The following MATK variants were observed in gnomAD, a reference collection of about 807,000 sequenced individuals.
MATK encodes the protein megakaryocyte-associated tyrosine-protein kinase.
Under a neutral mutation model 59.8 loss-of-function variants are expected in MATK, and 41 were observed. That is an observed-to-expected ratio of 0.69 (90% CI 0.53 to 0.89). The LOEUF (loss-of-function observed/expected upper bound fraction) is 0.89, where lower values mean the gene tolerates loss of function less well. Ranked by LOEUF, MATK falls within the 40% of genes least tolerant of loss-of-function variation. The pLI, the probability that MATK is intolerant of heterozygous loss-of-function variation, is 0.00. For missense variants in MATK, 593 were observed against 719.6 expected (o/e 0.82, Z 2.01); for synonymous variants, 308 against 306.1 (o/e 1.01, Z -0.06).
At chr19:3,781,497 C>A (rs1162718492) in intron 8 of MATK, 110 bp downstream of exon 8, 10 of 1,151,482 alleles carry the variant, frequency 8.7e-6, no homozygotes, top group Non-Finnish European at 1.3e-5. Flanking sequence ...TCTTCAGCTG[C>A]ACAACTAGTA....
intron 1 of MATK, among the ~76,000 whole-genome samples, chr19:3,798,360 G>A (rs1237166555): frequency 1.3e-5 from 2 of 151,958 alleles, no homozygotes; most frequent in Non-Finnish European, 2.9e-5. Context: ...CTCACTGTGG[G>A]GTGGTTGGCG....
At position 3,779,457 on chromosome 19, in the gene MATK, G is replaced by C. The variant is rs1332237946; in HGVS notation, c.928-6C>G. Reference sequence around the variant, plus strand: ...AGAAAGTTCACCAGGTTGCCCTGTTGGGGGTGGGAGATGGCCGCGGGATGT... The same window carrying C: ...AGAAAGTTCACCAGGTTGCCCTGTTCGGGGTGGGAGATGGCCGCGGGATGT... On this transcript the variant is annotated splice_region_variant and splice_polypyrimidine_tract_variant and intron_variant, in intron 10 of 13. Coordinates refer to ENST00000310132, the MANE Select transcript of MATK (RefSeq NM_139355.3). The C allele has an allele frequency of 1.2e-6, 2 of 1,613,068 alleles. No individual in the cohort carries two copies. The highest frequency in any genetic ancestry group is 8.5e-7 in the Non-Finnish European group (1 of 1,179,952).
Position 3,783,918 on chromosome 19 carries a change from C to G in MATK, c.478G>C (p.Val160Leu). Reference protein sequence around the residue: ...ARHPGDYVLCVSFGRDVIHYR... With the variant: ...ARHPGDYVLCLSFGRDVIHYR... ...TGGATGACGTCGCGGCCAAAGCTCA[C>G]GCACAGGACGTAGTCGCCGGGGTGG... The change falls in exon 6 of 14, where the codon GTG (valine) becomes CTG (leucine). Residue 160 changes from valine (V) to leucine (L), a missense_variant. Val to Leu is a conservative substitution (Grantham distance 32, BLOSUM62 1). Coordinates refer to ENST00000310132, the MANE Select transcript of MATK (RefSeq NM_139355.3). 2 of 1,612,916 alleles carry G rather than the reference C, an allele frequency of 1.2e-6. No homozygotes were observed. The highest frequency in any genetic ancestry group is 1.7e-6 in the Non-Finnish European group (2 of 1,179,888).
chr19:3,783,744 G>C (rs552491371), intron 6 of MATK, 70 bp downstream of exon 6: 2 of 1,434,314 alleles, frequency 1.4e-6, no homozygotes, highest in Non-Finnish European at 9.7e-7. Context: ...CTATCTCTAC[G>C]TAGGGGAGTC....
chr19:3,798,971 AT>A (rs112711436), intron 1 of MATK, among the ~76,000 whole-genome samples: 4,018 of 130,798 alleles, frequency 0.031, 134 homozygotes, highest in African/African-American at 0.087. Flanking sequence ...ATACCTGGCT[AT>A]TTTTTTTTTT....
intron 1 of MATK, among the ~76,000 whole-genome samples, chr19:3,799,761 A>C (rs1239520511): frequency 1.3e-5 from 2 of 151,600 alleles, no homozygotes; most frequent in African/African-American, 4.9e-5. Context: ...GAATCACTTG[A>C]ACCCAGGAGG....
chr19:3,792,639 G>A (rs12974179), intron 1 of MATK, among the ~76,000 whole-genome samples: 4 of 146,930 alleles, frequency 2.7e-5, no homozygotes, highest in South Asian at 2.2e-4. Flanking sequence ...TCAGCCTCCC[G>A]AGTAGGTGGT....
chr19:3,788,057 C>G (rs2037504897), upstream of MATK, among the ~76,000 whole-genome samples: 1 of 148,450 alleles, frequency 6.7e-6, no homozygotes, highest in African/African-American at 2.5e-5. Flanking sequence ...ACCATGGTGC[C>G]TGGTTAAACC....
Position 3,786,055 on chromosome 19 carries a change from G to T in MATK, c.-152+114C>A, listed in dbSNP as rs12609684. 35,978 of 332,794 alleles carry T rather than the reference G, an allele frequency of 0.11. 2,255 individuals are homozygous for T. Among genetic ancestry groups the T allele is most frequent in the East Asian group, 0.23 (1,366 of 5,830 alleles). 20.6% of individuals were successfully genotyped at this position (332,794 alleles called of 1,614,324 possible). A position where few individuals can be genotyped will look rare whatever the true frequency, so the allele number is the denominator to read the frequency against. ...GCGCGCCCGGGACGCGCACACTCGC[G>T]CACACACCGGCCCTTCCTGCGCACG... On this transcript the variant is annotated intron_variant, in intron 1 of 13. Coordinates refer to ENST00000310132, the MANE Select transcript of MATK (RefSeq NM_139355.3). This position sits in a 1 kb window ranked among gnomAD's most constrained non-coding sequence, Gnocchi z 4.1.
In MATK at chr19:3,779,591, CG is replaced by C; in HGVS notation, c.868del (p.Arg290ValfsTer5). 1 of 1,611,906 alleles carries C rather than the reference CG, an allele frequency of 6.2e-7. No individual in the cohort carries two copies. The highest frequency in any genetic ancestry group is 8.5e-7 in the Non-Finnish European group (1 of 1,179,480). On this transcript the variant is annotated frameshift_variant, in exon 10 of 14. Transcript: ENST00000310132. LOFTEE classifies it high-confidence loss of function. The part of the protein sequence containing the change: ...MTKMQHENLV[R>X]LLGVILHQGL... Reference sequence around the variant, plus strand: ...CTGGTGCAGGATCACGCCCAGGAGACGCACCAGGTTCTCGTGTTGCATCTTC... The same window carrying C: ...CTGGTGCAGGATCACGCCCAGGAGACCACCAGGTTCTCGTGTTGCATCTTC...
intron 1 of MATK, among the ~76,000 whole-genome samples, chr19:3,794,294 G>A (rs9676748): frequency 0.014 from 2,062 of 152,176 alleles, 47 homozygotes; most frequent in African/African-American, 0.046. Context: ...CCCTGGGCCC[G>A]GCAACCATTT....
At chr19:3,784,758 G>T in intron 3 of MATK, 67 bp downstream of exon 3, 1 of 1,147,920 alleles carries the variant, frequency 8.7e-7, no homozygotes, top group Non-Finnish European at 1.3e-6. Flanking sequence ...TCAGGAAGGG[G>T]TCTCAGGGTG....
At chr19:3,800,659 G>T (rs1449699850) in intron 1 of MATK, among the ~76,000 whole-genome samples, 6 of 151,866 alleles carry the variant, frequency 4.0e-5, no homozygotes, top group Admixed American at 1.3e-4. Context: ...GAAAAAAAAA[G>T]GAAAAGAAAG....
upstream of MATK, chr19:3,789,329 C>T: frequency 1.3e-6 from 1 of 777,854 alleles, no homozygotes; most frequent in Non-Finnish European, 2.4e-6. Context: ...CTTCGTTCAG[C>T]AGGGAAATGT....
At position 3,786,182 on chromosome 19, in the gene MATK, G is replaced by T; in HGVS notation, c.-165C>A. ...CGACGTGCTCACCTGCTCAGGGGGC[G>T]CCCCCGAGCCGCGCCCCGCGCCCGC... On this transcript the variant is annotated 5_prime_UTR_variant, in exon 1 of 14. Coordinates refer to ENST00000310132, the MANE Select transcript of MATK (RefSeq NM_139355.3). The surrounding 1 kb of genome is among the most constrained non-coding windows in gnomAD (Gnocchi z 4.1). 1 of 980,074 alleles carries T rather than the reference G, an allele frequency of 1.0e-6. No individual in the cohort carries two copies. The allele number at this position is 980,074 out of a possible 1,614,324, so 60.7% of individuals were successfully genotyped here. A position where few individuals can be genotyped will look rare whatever the true frequency, so the allele number is the denominator to read the frequency against.
chr19:3,786,959 C>G (rs1047857979), upstream of MATK, among the ~76,000 whole-genome samples: 2 of 151,874 alleles, frequency 1.3e-5, no homozygotes, highest in African/African-American at 4.8e-5. This position sits in a 1 kb window ranked among gnomAD's most constrained non-coding sequence, Gnocchi z 4.1. Context: ...CTTTTCCAGC[C>G]GGGATTTCCT....
intron 12 of MATK, 147 bp from the exon 13 acceptor site, chr19:3,778,742 C>T (rs2037355097): frequency 1.1e-6 from 1 of 950,048 alleles, no homozygotes; most frequent in African/African-American, 1.6e-5. Context: ...GCAGTTGAGT[C>T]TAGCTCAGCC....
In MATK at chr19:3,778,723, A is replaced by G. The variant is rs570242238; in HGVS notation, c.1198-128T>C. 1.3e-4 allele frequency: 133 copies of G among 1,061,762 alleles called. 2 individuals are homozygous for G. The East Asian group carries it at 2.6e-3, about 21-fold the overall frequency. The allele number at this position is 1,061,762 out of a possible 1,614,324, so 65.8% of individuals were successfully genotyped here. A position where few individuals can be genotyped will look rare whatever the true frequency, so the allele number is the denominator to read the frequency against. ...CTTCTCCTAATTGAGTCCTCCCCCA[A>G]CGCCGCCCGCAGTTGAGTCTAGCTC... On this transcript the variant is annotated intron_variant, in intron 12 of 13. Transcript: ENST00000310132.
At chr19:3,780,477 G>A (rs2037384662) in intron 8 of MATK, among the ~76,000 whole-genome samples, 1 of 151,798 alleles carries the variant, frequency 6.6e-6, no homozygotes. Flanking sequence ...GCCCAGGCTG[G>A]AGTGCAGTGG....
Sources: allele counts gnomAD v4.1 joint callset (sites outside exome capture counted in the v4.1 genomes callset), GRCh38; gene constraint gnomAD v4.1.1; non-coding constraint Gnocchi (gnomAD v3.1); transcripts MANE v1.5; gene names NCBI Gene and HGNC (gene_info 2026-07-23, HGNC 2026-07-21).